The following PCDHGA4 variants were observed in gnomAD, a reference collection of about 807,000 sequenced individuals.
PCDHGA4 encodes protocadherin gamma subfamily A, 4.
PCDHGA4 carries 38 observed loss-of-function variants against 54.6 expected under a neutral mutation model. That is an observed-to-expected ratio of 0.70 (90% CI 0.54 to 0.91). The LOEUF (loss-of-function observed/expected upper bound fraction) is 0.91. Among genes scored for constraint, PCDHGA4 ranks in the 40% least tolerant of loss-of-function variants. PCDHGA4 has a pLI of 0.00. For synonymous variants in PCDHGA4, 511 were observed against 512.9 expected (o/e 1.00, Z 0.05); for missense variants, 1,298 against 1,220.9 (o/e 1.06, Z -0.94).
chr5:141,397,625 G>A (rs558654986), intron 1 of PCDHGA4, among the ~76,000 whole-genome samples: 2 of 152,338 alleles, frequency 1.3e-5, no homozygotes, highest in South Asian at 4.1e-4. Flanking sequence ...CTTAGTTCTA[G>A]CTAAGAGTTC....
chr5:141,364,168 ACTCTGCTCCCT>A, intron 1 of PCDHGA4: 1 of 748,396 alleles, frequency 1.3e-6, no homozygotes, highest in Non-Finnish European at 2.0e-6. Flanking sequence ...AGGCGACCCG[ACTCTGCTCCCT>A]CCATACTAAA....
At chr5:141,469,126 A>T (rs2099191838) in intron 1 of PCDHGA4, among the ~76,000 whole-genome samples, 1 of 151,470 alleles carries the variant, frequency 6.6e-6, no homozygotes, top group African/African-American at 2.4e-5. Context: ...AAATTTAAAA[A>T]TTAGCCAGAA....
intron 1 of PCDHGA4, among the ~76,000 whole-genome samples, chr5:141,448,948 A>C (rs918513864): frequency 6.6e-6 from 1 of 152,170 alleles, no homozygotes; most frequent in African/African-American, 2.4e-5. Flanking sequence ...GCAACTCAAA[A>C]AAACAAACAA....
At chr5:141,414,279 A>C in intron 1 of PCDHGA4, 1 of 1,613,350 alleles carries the variant, frequency 6.2e-7, no homozygotes, top group Non-Finnish European at 8.5e-7. Flanking sequence ...CTCTGGGAAC[A>C]GTCGTAGCCC....
At chr5:141,404,360 TC>T (rs780435528) in intron 1 of PCDHGA4, 1 of 1,613,900 alleles carries the variant, frequency 6.2e-7, no homozygotes. Context: ...CAGAGGTACT[TC>T]CATCTTCTCC....
chr5:141,399,497 TACCCGAAAACA>T, intron 1 of PCDHGA4: 2 of 1,614,030 alleles, frequency 1.2e-6, no homozygotes, highest in Non-Finnish European at 1.7e-6. Flanking sequence ...TTAGTCAGTG[TACCCGAAAACA>T]ACCCTCCTGG....
At position 141,487,025 on chromosome 5, in the gene PCDHGA4, C is replaced by T. The variant is rs769789352; in HGVS notation, c.2515-7782C>T. On this transcript the variant is annotated intron_variant, in intron 1 of 3. Transcript: ENST00000571252. This position sits in a 1 kb window ranked among gnomAD's most constrained non-coding sequence, Gnocchi z 5.0. ...GCTCCTGGAGGCCCCAGATCCCAGCCTGTTTGCAGTCTCTCGATATGCTGG... is the reference window on the plus strand; with the variant it reads ...GCTCCTGGAGGCCCCAGATCCCAGCTTGTTTGCAGTCTCTCGATATGCTGG... 1.9e-6 allele frequency: 3 copies of T among 1,614,216 alleles called. No homozygotes were observed. Among genetic ancestry groups the T allele is most frequent in the Non-Finnish European group, 2.5e-6 (3 of 1,180,050 alleles).
intron 2 of PCDHGA4, among the ~76,000 whole-genome samples, chr5:141,502,517 G>A (rs1333510345): frequency 1.3e-5 from 2 of 152,128 alleles, no homozygotes; most frequent in Admixed American, 6.6e-5. Flanking sequence ...CCCACTATCA[G>A]TGATGCCGAG....
At chr5:141,418,836 C>T (rs2096292464) in intron 1 of PCDHGA4, 1 of 1,613,984 alleles carries the variant, frequency 6.2e-7, no homozygotes, top group Non-Finnish European at 8.5e-7. Flanking sequence ...GACCGAGGAT[C>T]TCTCTCAACA....
Position 141,360,879 on chromosome 5 carries a change from G to T in PCDHGA4, c.2514+3258G>T, listed in dbSNP as rs1761784772. On this transcript the variant is annotated intron_variant, in intron 1 of 3. Coordinates refer to ENST00000571252, the MANE Select transcript of PCDHGA4 (RefSeq NM_018917.4). ...CAGTGTTCAGCCAGGACGTGTACAGGGTCACCCTGAGGGAGGACGTGCCGC... is the reference window on the plus strand; with the variant it reads ...CAGTGTTCAGCCAGGACGTGTACAGTGTCACCCTGAGGGAGGACGTGCCGC... 5.0e-6 allele frequency: 8 copies of T among 1,614,000 alleles called. No individual in the cohort carries two copies. The East Asian group carries it at 1.3e-4, about 27-fold the overall frequency.
intron 1 of PCDHGA4, chr5:141,372,266 T>C (rs1230396538): frequency 6.2e-7 from 1 of 1,613,082 alleles, no homozygotes. Flanking sequence ...TGCGCACGGG[T>C]GAGGTGCGCA....
chr5:141,355,444 G>C lies in PCDHGA4; in HGVS notation c.337G>C (p.Gly113Arg). Residue 113 changes from glycine (G) to arginine (R), a missense_variant, in exon 1 of 4, where the codon GGC (glycine) becomes CGC (arginine). Transcript: ENST00000571252. ...GCTTTTCGCCCTGAACCCGCGCAGC[G>C]GCACCTTGGTCACCGCGGGTAGGAT... ...TQLFALNPRS[G>R]TLVTAGRIDR... 1 of 1,614,058 alleles carries C rather than the reference G, an allele frequency of 6.2e-7. No individual in the cohort carries two copies. The highest frequency in any genetic ancestry group is 8.5e-7 in the Non-Finnish European group (1 of 1,179,928).
chr5:141,374,327 G>T (rs766746841), intron 1 of PCDHGA4: 3 of 1,613,866 alleles, frequency 1.9e-6, no homozygotes, highest in Non-Finnish European at 2.5e-6. Context: ...TCCGCGAAAC[G>T]GCAGCTTGGT....
In PCDHGA4 at chr5:141,393,272, A is replaced by C. The variant is rs781226042; in HGVS notation, c.2514+35651A>C. The stretch of plus-strand genomic sequence containing the variant: ...TCGCGGTTCCTGGAGCACGTTATCC[A>C]CTCCCAGAAGCTGTTGACCCGGATG... On this transcript the variant is annotated intron_variant, in intron 1 of 3. Coordinates refer to ENST00000571252, the MANE Select transcript of PCDHGA4 (RefSeq NM_018917.4). The C allele has an allele frequency of 2.5e-6, 4 of 1,613,774 alleles. No homozygotes were observed. The Admixed American group carries it at 6.7e-5, about 27-fold the overall frequency.
chr5:141,420,269 A>G, intron 1 of PCDHGA4: 1 of 1,544,558 alleles, frequency 6.5e-7, no homozygotes, highest in Admixed American at 2.0e-5. Flanking sequence ...GAAGATTCTT[A>G]AACAGGTAAG....
At chr5:141,408,400 G>A (rs2095097999) in intron 1 of PCDHGA4, 2 of 1,614,052 alleles carry the variant, frequency 1.2e-6, no homozygotes, top group Non-Finnish European at 1.7e-6. Flanking sequence ...CTCGCAAGCT[G>A]CGAGTGAGCG....
rs1270447529 is a variant in PCDHGA4 at position 141,490,526 on chromosome 5, C to A, written c.2515-4281C>A. 3 of 1,614,116 alleles carry A rather than the reference C, an allele frequency of 1.9e-6. No homozygotes were observed. Among genetic ancestry groups the A allele is most frequent in the Non-Finnish European group, 2.5e-6 (3 of 1,180,008 alleles). On this transcript the variant is annotated intron_variant, in intron 1 of 3. Transcript: ENST00000571252. This position sits in a 1 kb window ranked among gnomAD's most constrained non-coding sequence, Gnocchi z 5.4. ...ATCATCGAGCTGCTGGCCAGCGATG[C>A]TGGTTCACCTTCCCTACACAAACAT...
At chr5:141,422,141 G>A (rs1441509284) in intron 1 of PCDHGA4, 9 of 1,583,068 alleles carry the variant, frequency 5.7e-6, no homozygotes, top group Middle Eastern at 1.7e-4. Context: ...GTTCAAGTAC[G>A]GGGGTCTCTG....
At chr5:141,388,274 G>A (rs1340999969) in intron 1 of PCDHGA4, 1 of 1,590,544 alleles carries the variant, frequency 6.3e-7, no homozygotes, top group African/African-American at 1.5e-5. Context: ...ATGACCACAC[G>A]CCAAAATTCA....
Sources: allele counts gnomAD v4.1 joint callset (sites outside exome capture counted in the v4.1 genomes callset), GRCh38; gene constraint gnomAD v4.1.1; non-coding constraint Gnocchi (gnomAD v3.1); transcripts MANE v1.5; gene names NCBI Gene and HGNC (gene_info 2026-07-23, HGNC 2026-07-21).